SLC9A2: variants seen among roughly 807,000 people sequenced by gnomAD.
SLC9A2 encodes the protein sodium/hydrogen exchanger 2.
In SLC9A2, 42 loss-of-function variants were observed where a neutral mutation model predicts 71.7. The observed-to-expected ratio is 0.59, with a 90% CI of 0.46 to 0.76. The LOEUF is 0.76. SLC9A2 is among the 30% of genes least tolerant of loss of function. The pLI is 0.00. For missense variants in SLC9A2, 829 were observed against 1,017.4 expected (o/e 0.81, Z 2.52); for synonymous variants, 396 against 392.5 (o/e 1.01, Z -0.10).
intron 3 of SLC9A2, among the ~76,000 whole-genome samples, chr2:102,675,174 C>T (rs1677326785): frequency 6.6e-6 from 1 of 152,152 alleles, no homozygotes. Flanking sequence ...AAAGCTCAAT[C>T]CTTTATAGTA....
In SLC9A2 at chr2:102,619,690, C is replaced by T. The variant is rs1375667737; in HGVS notation, c.-159C>T. The stretch of plus-strand genomic sequence containing the variant: ...CGCCTGCTCGCAGCGAGGACCTAGC[C>T]CTCTGGTTGCAGAGACCCGGTGCCG... On this transcript the variant is annotated 5_prime_UTR_variant, in exon 1 of 12. Coordinates refer to ENST00000233969, the MANE Select transcript of SLC9A2 (RefSeq NM_003048.6). The surrounding 1 kb of genome is among the most constrained non-coding windows in gnomAD (Gnocchi z 4.3). 5.3e-6 allele frequency: 3 copies of T among 566,256 alleles called. No individual in the cohort carries two copies. The highest frequency in any genetic ancestry group is 4.9e-4 in the Middle Eastern group (1 of 2,046). 35.1% of individuals were successfully genotyped at this position (566,256 alleles called of 1,614,324 possible).
intron 1 of SLC9A2, among the ~76,000 whole-genome samples, chr2:102,624,235 G>T (rs77748372): frequency 0.042 from 6,439 of 152,164 alleles, 213 homozygotes; most frequent in Middle Eastern, 0.11. Context: ...AAAAGTTTTG[G>T]CAAGAAATGT....
rs186939121 is a variant in SLC9A2, at chr2:102,644,618, G to C, written c.290-12946G>C. On this transcript the variant is annotated intron_variant, in intron 1 of 11. Coordinates refer to ENST00000233969, the MANE Select transcript of SLC9A2 (RefSeq NM_003048.6). Reference sequence around the variant, plus strand: ...TCTAAAGTTGACCTGGGATACTCGAGCTTGGTGCAGGGAGGGGTACCTGCC... The same window carrying C: ...TCTAAAGTTGACCTGGGATACTCGACCTTGGTGCAGGGAGGGGTACCTGCC... 8.5e-5 allele frequency among the ~76,000 whole-genome samples: 13 copies of C among 152,302 alleles called. 1 individual carries two copies. In the South Asian group the frequency reaches 1.4e-3, roughly 17 times the overall value.
Position 102,701,190 on chromosome 2 carries a change from G to A in SLC9A2, c.1707G>A (p.Glu569=). Residue 569 remains glutamate (E), a synonymous_variant, in exon 8 of 12, where the codon GAG becomes GAA. Transcript: ENST00000233969. ...LEIKHAIEMA[E]TGMISTVPTF... The stretch of plus-strand genomic sequence containing the variant: ...TAAAACATGCCATTGAGATGGCAGA[G>A]ACTGGGATGATAAGTACTGTCCCTA... The A allele has an allele frequency of 1.2e-6, 2 of 1,610,108 alleles. No individual in the cohort carries two copies. The highest frequency in any genetic ancestry group is 1.7e-6 in the Non-Finnish European group (2 of 1,178,154).
rs1676097424 is a variant in SLC9A2, at chr2:102,619,775, A to C, written c.-74A>C. ...GCACGGGGCAGGGCGGAGCGGGCTG[A>C]GCAGCCCGGGCGCGATGCGTTGAGC... On this transcript the variant is annotated 5_prime_UTR_variant, in exon 1 of 12. Coordinates refer to ENST00000233969, the MANE Select transcript of SLC9A2 (RefSeq NM_003048.6). This position sits in a 1 kb window ranked among gnomAD's most constrained non-coding sequence, Gnocchi z 4.3. 1 of 1,342,916 alleles carries C rather than the reference A, an allele frequency of 7.4e-7. No individual in the cohort carries two copies. The allele number at this position is 1,342,916 out of a possible 1,614,324, so 83.2% of individuals were successfully genotyped here.
rs1267225020 is a variant in SLC9A2 at position 102,632,033 on chromosome 2, TATATAC to T, written c.289+11900_289+11905del. 5.7e-3 allele frequency among the ~76,000 whole-genome samples: 437 copies of T among 76,866 alleles called. 10 individuals carry two copies. Among genetic ancestry groups the T allele is most frequent in the African/African-American group, 0.025 (411 of 16,598 alleles). 50.4% of individuals were successfully genotyped at this position (76,866 alleles called of 152,430 possible). A position where few individuals can be genotyped will look rare whatever the true frequency, so the allele number is the denominator to read the frequency against. On this transcript the variant is annotated intron_variant, in intron 1 of 11. Transcript: ENST00000233969. The stretch of plus-strand genomic sequence containing the variant: ...ATATATATATATATATATATATATA[TATATAC>T]ATACACACACACATATATATACACA...
chr2:102,661,794 A>G (rs979457843), intron 2 of SLC9A2, among the ~76,000 whole-genome samples: 1 of 152,202 alleles, frequency 6.6e-6, no homozygotes, highest in African/African-American at 2.4e-5. Context: ...TAAAGTGTCA[A>G]GGGGAGACCA....
At chr2:102,677,785 A>G (rs183987178) in intron 3 of SLC9A2, among the ~76,000 whole-genome samples, 3 of 152,314 alleles carry the variant, frequency 2.0e-5, no homozygotes, top group Admixed American at 2.0e-4. Context: ...GATTGAAATT[A>G]TAATTTCTCA....
Position 102,684,964 on chromosome 2 carries a change from G to A in SLC9A2, c.1425+628G>A, listed in dbSNP as rs772114459. Among the ~76,000 whole-genome samples, 81 of 152,182 alleles carry A rather than the reference G, an allele frequency of 5.3e-4. 1 individual carries two copies. The highest frequency in any genetic ancestry group is 1.5e-4 in the Non-Finnish European group (10 of 68,028). ...CCTGCTGCAGAGCTTACATTTCAGAGGGGTTGGTAGCACTAAACAAGAAAC... is the reference window on the plus strand; with the variant it reads ...CCTGCTGCAGAGCTTACATTTCAGAAGGGTTGGTAGCACTAAACAAGAAAC... On this transcript the variant is annotated intron_variant, in intron 5 of 11. Coordinates refer to ENST00000233969, the MANE Select transcript of SLC9A2 (RefSeq NM_003048.6).
At chr2:102,676,636 T>A (rs1330598736) in intron 3 of SLC9A2, among the ~76,000 whole-genome samples, 1 of 152,228 alleles carries the variant, frequency 6.6e-6, no homozygotes, top group Non-Finnish European at 1.5e-5. Flanking sequence ...TTTTCTCATA[T>A]GTCAAACTCT....
rs114477917 is a variant in SLC9A2, at chr2:102,663,106, G to A, written c.754-1994G>A. On this transcript the variant is annotated intron_variant, in intron 2 of 11. Transcript: ENST00000233969. The stretch of plus-strand genomic sequence containing the variant: ...GAAGTAACTGTGGCGTGTTGATGCC[G>A]ATGAAAACCGATGCTGACAGCAGGT... Among the ~76,000 whole-genome samples, 1,522 of 152,332 alleles carry A rather than the reference G, an allele frequency of 1.0e-2. 22 individuals carry two copies. The highest frequency in any genetic ancestry group is 0.035 in the African/African-American group (1,460 of 41,556).
At chr2:102,701,270 A>G (rs2104553944) in intron 8 of SLC9A2, 39 bp downstream of exon 8, 1 of 1,356,882 alleles carries the variant, frequency 7.4e-7, no homozygotes, top group Non-Finnish European at 1.0e-6. Flanking sequence ...GTATTGTTAA[A>G]TAGGCATTGA....
chr2:102,693,998 G>T (rs1342280915), intron 5 of SLC9A2, among the ~76,000 whole-genome samples: 1 of 152,082 alleles, frequency 6.6e-6, no homozygotes, highest in East Asian at 1.9e-4. Context: ...TGATAGAGAG[G>T]GTGTTTCACT....
chr2:102,636,580 G>A (rs1676472477), intron 1 of SLC9A2, among the ~76,000 whole-genome samples: 1 of 152,182 alleles, frequency 6.6e-6, no homozygotes, highest in Admixed American at 6.5e-5. Flanking sequence ...AGAGTCCCTG[G>A]AAAGCTTTAT....
At chr2:102,658,774 G>A (rs1318839543) in intron 2 of SLC9A2, among the ~76,000 whole-genome samples, 1 of 152,088 alleles carries the variant, frequency 6.6e-6, no homozygotes, top group Admixed American at 6.5e-5. Flanking sequence ...AGGATTGAGA[G>A]AAGGGATGAG....
intron 2 of SLC9A2, among the ~76,000 whole-genome samples, chr2:102,661,186 T>A (rs1012412391): frequency 6.6e-6 from 1 of 152,248 alleles, no homozygotes; most frequent in Non-Finnish European, 1.5e-5. Flanking sequence ...AAAATTTCCC[T>A]ATTAGGCAAA....
At chr2:102,676,191 C>G (rs560988056) in intron 3 of SLC9A2, among the ~76,000 whole-genome samples, 5 of 152,208 alleles carry the variant, frequency 3.3e-5, no homozygotes, top group Non-Finnish European at 7.3e-5. Flanking sequence ...CAGGCCCCAC[C>G]TGTAGCCCAC....
intron 5 of SLC9A2, among the ~76,000 whole-genome samples, chr2:102,690,194 G>A (rs989746202): frequency 3.3e-5 from 5 of 152,232 alleles, no homozygotes; most frequent in African/African-American, 7.2e-5. Context: ...TAAAGGAGGC[G>A]AAACATCAGA....
At chr2:102,659,315 C>T (rs2104521293) in intron 2 of SLC9A2, among the ~76,000 whole-genome samples, 1 of 151,798 alleles carries the variant, frequency 6.6e-6, no homozygotes, top group Admixed American at 6.6e-5. Flanking sequence ...GTGGTGAGCG[C>T]CTGTTATCCC....
Sources: allele counts gnomAD v4.1 joint callset (sites outside exome capture counted in the v4.1 genomes callset), GRCh38; gene constraint gnomAD v4.1.1; non-coding constraint Gnocchi (gnomAD v3.1); transcripts MANE v1.5; gene names NCBI Gene and HGNC (gene_info 2026-07-23, HGNC 2026-07-21).